The following AMBRA1 variants were observed in gnomAD, a reference collection of about 807,000 sequenced individuals.
AMBRA1 encodes the protein activating molecule in BECN1-regulated autophagy protein 1.
In AMBRA1, 47 loss-of-function variants were observed where a neutral mutation model predicts 125.4. The ratio of observed to expected loss-of-function variants is 0.37; its 90% CI spans 0.30 to 0.48. The LOEUF is 0.48. AMBRA1 is among the 20% of genes least tolerant of loss of function. AMBRA1 has a pLI of 0.99. For synonymous variants in AMBRA1, 626 were observed against 655.5 expected, an observed-to-expected ratio of 0.95 and a Z score of 0.69; for missense variants, 1,331 against 1,693.4, an observed-to-expected ratio of 0.79 and a Z score of 3.76.
chr11:46,542,079 C>T lies in AMBRA1; in HGVS notation c.1938G>A (p.Val646=), dbSNP rs762050275. The change falls in exon 7 of 18, where the codon GTG becomes GTA. Residue 646 remains valine, a synonymous_variant. Coordinates refer to ENST00000683756, the MANE Select transcript of AMBRA1 (RefSeq NM_001387011.1). The surrounding 1 kb of genome is among the most constrained non-coding windows in gnomAD (Gnocchi z 5.9). ...SSASPQEERT[V]GVAFNQETGH... ...CTGTCTCCTGGTTAAAGGCCACCCC[C>T]ACAGTCCTCTCCTCCTGCGGACTAG... 9.9e-6 allele frequency: 16 copies of T among 1,613,864 alleles called. No individual in the cohort carries two copies. The African/African-American group carries it at 1.7e-4, about 18-fold the overall frequency.
intron 1 of AMBRA1, among the ~76,000 whole-genome samples, chr11:46,556,524 G>C (rs1463270539): frequency 6.6e-6 from 1 of 152,184 alleles, no homozygotes; most frequent in African/African-American, 2.4e-5. Flanking sequence ...TCTAGATGGA[G>C]AAGTCATGAG....
At chr11:46,521,529 G>C (rs899756762) in intron 7 of AMBRA1, among the ~76,000 whole-genome samples, 1 of 152,266 alleles carries the variant, frequency 6.6e-6, no homozygotes, top group Non-Finnish European at 1.5e-5. Flanking sequence ...CTCTGCCTTG[G>C]CGCATGCCTG....
intron 7 of AMBRA1, among the ~76,000 whole-genome samples, chr11:46,518,914 G>C (rs1951637678): frequency 1.3e-5 from 2 of 152,264 alleles, no homozygotes; most frequent in Admixed American, 1.3e-4. Context: ...TGTATCAGCT[G>C]TATTCTTGAT....
chr11:46,591,980 T>A (rs1004327568), intron 1 of AMBRA1, among the ~76,000 whole-genome samples: 51 of 147,244 alleles, frequency 3.5e-4, no homozygotes, highest in African/African-American at 1.3e-3. Context: ...AGTTTCGCTC[T>A]TGTTGCCTAG....
intron 1 of AMBRA1, among the ~76,000 whole-genome samples, chr11:46,556,578 G>C (rs1488073784): frequency 1.3e-5 from 2 of 152,148 alleles, no homozygotes; most frequent in Non-Finnish European, 2.9e-5. Context: ...CCAAATTACA[G>C]TCAATATGTA....
intron 17 of AMBRA1, among the ~76,000 whole-genome samples, chr11:46,406,078 G>A (rs950296156): frequency 6.6e-6 from 1 of 151,224 alleles, no homozygotes; most frequent in Non-Finnish European, 1.5e-5. Flanking sequence ...TTTTGAGACA[G>A]AGTCTTGCTT....
intron 3 of AMBRA1, 84 bp downstream of exon 3, chr11:46,547,733 G>T: frequency 1.5e-6 from 2 of 1,342,536 alleles, no homozygotes; most frequent in Non-Finnish European, 2.1e-6. Context: ...AGACTTTAGG[G>T]ACTGACTTGG....
chr11:46,505,392 ACAGT>A (rs1316900415), intron 9 of AMBRA1, among the ~76,000 whole-genome samples: 2 of 152,316 alleles, frequency 1.3e-5, no homozygotes, highest in South Asian at 2.1e-4. Flanking sequence ...GAAAGAATAA[ACAGT>A]CAGTTTCAAC....
chr11:46,529,068 C>A (rs1237305858), intron 7 of AMBRA1, among the ~76,000 whole-genome samples: 1 of 152,206 alleles, frequency 6.6e-6, no homozygotes, highest in Admixed American at 6.5e-5. Flanking sequence ...TCTACTCCTG[C>A]TCTAACTTGA....
chr11:46,459,183 C>A (rs961558568), intron 11 of AMBRA1, among the ~76,000 whole-genome samples: 15 of 152,202 alleles, frequency 9.9e-5, no homozygotes, highest in Non-Finnish European at 7.4e-5. Context: ...ATGATTCCAT[C>A]CCCACTACAA....
chr11:46,445,423 G>A (rs970999780), intron 11 of AMBRA1, among the ~76,000 whole-genome samples: 2 of 152,074 alleles, frequency 1.3e-5, no homozygotes, highest in African/African-American at 2.4e-5. Flanking sequence ...TCCCTGTGGC[G>A]TATCATAAGA....
intron 7 of AMBRA1, among the ~76,000 whole-genome samples, chr11:46,536,611 T>C (rs1170632327): frequency 6.6e-6 from 1 of 152,212 alleles, no homozygotes; most frequent in African/African-American, 2.4e-5. Flanking sequence ...GGCCCCCTTT[T>C]GTGGACCTAC....
rs11449187 is a variant in AMBRA1, at chr11:46,478,648, CTTTTTTTTT to C, written c.2521+14951_2521+14959del. ...TATTTCTTGTTTTTTTCTTTTTTCT[CTTTTTTTTT>C]TTTTTTTTTTTTTGGAGATGGAGTT... On this transcript the variant is annotated intron_variant, in intron 11 of 17. Coordinates refer to ENST00000683756, the MANE Select transcript of AMBRA1 (RefSeq NM_001387011.1). Among the ~76,000 whole-genome samples the C allele has an allele frequency of 2.6e-3, 212 of 82,174 alleles. 1 individual carries two copies. Among genetic ancestry groups the C allele is most frequent in the Non-Finnish European group, 3.1e-3 (145 of 46,546 alleles). The allele number at this position is 82,174 out of a possible 152,430, so 53.9% of individuals were successfully genotyped here.
At position 46,503,714 on chromosome 11, in the gene AMBRA1, T is replaced by C. The variant is rs537315590; in HGVS notation, c.2339+4477A>G. ...CCAAATATAAGCAAATTAATTAGAATAGTTAAGAAAATAAATTAACAGACC... is the reference window on the plus strand; with the variant it reads ...CCAAATATAAGCAAATTAATTAGAACAGTTAAGAAAATAAATTAACAGACC... On this transcript the variant is annotated intron_variant, in intron 9 of 17. Transcript: ENST00000683756. 8.5e-5 allele frequency among the ~76,000 whole-genome samples: 13 copies of C among 152,318 alleles called. No individual in the cohort carries two copies. In the South Asian group the frequency reaches 2.1e-3, roughly 24 times the overall value.
chr11:46,440,831 G>A (rs1375420681), intron 12 of AMBRA1, among the ~76,000 whole-genome samples: 1 of 152,142 alleles, frequency 6.6e-6, no homozygotes, highest in Non-Finnish European at 1.5e-5. Flanking sequence ...ACCAAGACTG[G>A]CATCAGGAAA....
intron 1 of AMBRA1, among the ~76,000 whole-genome samples, chr11:46,575,432 G>C (rs375443026): frequency 2.7e-5 from 4 of 150,838 alleles, no homozygotes; most frequent in Non-Finnish European, 5.9e-5. Flanking sequence ...ACTCTAGCCT[G>C]GGCAACAAGA....
At chr11:46,515,842 A>G (rs930841259) in intron 7 of AMBRA1, among the ~76,000 whole-genome samples, 4 of 152,072 alleles carry the variant, frequency 2.6e-5, no homozygotes, top group African/African-American at 9.7e-5. Flanking sequence ...CACCCGGCTA[A>G]TTTTTGTACT....
intron 9 of AMBRA1, among the ~76,000 whole-genome samples, chr11:46,497,173 T>C (rs1719065179): frequency 6.6e-6 from 1 of 151,972 alleles, no homozygotes; most frequent in Admixed American, 6.6e-5. Context: ...GTTAAGATGA[T>C]AAATTTTATG....
At chr11:46,423,287 C>G (rs1165838185) in intron 14 of AMBRA1, among the ~76,000 whole-genome samples, 1 of 152,104 alleles carries the variant, frequency 6.6e-6, no homozygotes, top group Non-Finnish European at 1.5e-5. Flanking sequence ...AGCCTGATTG[C>G]TTTTTAAAAA....
Sources: allele counts gnomAD v4.1 joint callset (sites outside exome capture counted in the v4.1 genomes callset), GRCh38; gene constraint gnomAD v4.1.1; non-coding constraint Gnocchi (gnomAD v3.1); transcripts MANE v1.5; gene names NCBI Gene and HGNC (gene_info 2026-07-23, HGNC 2026-07-21).